Variants in PLEKHD1 observed in about 807,000 individuals in gnomAD.
PLEKHD1 encodes pleckstrin homology domain-containing family D member 1.
A neutral mutation model predicts 69.2 loss-of-function variants in PLEKHD1; 51 were observed. The ratio of observed to expected loss-of-function variants is 0.74; its 90% CI spans 0.59 to 0.93. The LOEUF is 0.93. Among genes scored for constraint, PLEKHD1 ranks in the 40% least tolerant of loss-of-function variants. The probability of loss-of-function intolerance (pLI) is 0.00; values close to 1 mark genes in which losing one functional copy is unlikely to be tolerated. For synonymous variants in PLEKHD1, 236 were observed against 244.7 expected, an observed-to-expected ratio of 0.96 and a Z score of 0.33; for missense variants, 584 against 641.0, an observed-to-expected ratio of 0.91 and a Z score of 0.96.
intron 1 of PLEKHD1, among the ~76,000 whole-genome samples, chr14:69,498,875 C>T (rs988337537): frequency 2.6e-5 from 4 of 151,712 alleles, no homozygotes; most frequent in South Asian, 4.2e-4. Context: ...CTCGATCTCC[C>T]GACCTCAAGT....
chr14:69,528,166 G>A (rs1459343583), intron 12 of PLEKHD1, 84 bp from the exon 13 acceptor site: 7 of 1,490,760 alleles, frequency 4.7e-6, no homozygotes, highest in South Asian at 1.3e-5. Context: ...AAAGGAGTGA[G>A]GGGGTGGCAT....
chr14:69,521,623 A>G (rs1883515938), intron 6 of PLEKHD1, among the ~76,000 whole-genome samples: 1 of 152,204 alleles, frequency 6.6e-6, no homozygotes, highest in South Asian at 2.1e-4. Flanking sequence ...GAACCCCAGG[A>G]AAAGAGGACT....
Position 69,500,147 on chromosome 14 carries a change from A to G in PLEKHD1, c.182A>G (p.Tyr61Cys), listed in dbSNP as rs1471692183. Reference protein sequence around the residue: ...FFIIKESFLLYYSESEKKSFE... With the variant: ...FFIIKESFLLCYSESEKKSFE... ...ATCATCAAAGAGAGCTTTCTGCTTT[A>G]CTACTCTGAGAGCGAAAAAAAGAGC... The change falls in exon 2 of 13, where the codon TAC becomes TGC. Residue 61 changes from tyrosine (Y) to cysteine (C), a missense_variant. Transcript: ENST00000322564. 4.5e-6 allele frequency: 7 copies of G among 1,550,582 alleles called. No individual in the cohort carries two copies. The highest frequency in any genetic ancestry group is 1.4e-5 in the African/African-American group (1 of 73,018).
intron 1 of PLEKHD1, among the ~76,000 whole-genome samples, chr14:69,494,036 C>T (rs1021589622): frequency 7.2e-5 from 11 of 152,152 alleles, no homozygotes; most frequent in African/African-American, 2.4e-4. Context: ...CAGTAGCAGC[C>T]TTGTGAGCAC....
At chr14:69,504,188 G>A (rs1253005441) in intron 6 of PLEKHD1, among the ~76,000 whole-genome samples, 3 of 152,210 alleles carry the variant, frequency 2.0e-5, no homozygotes, top group African/African-American at 4.8e-5. Flanking sequence ...GTGTTTGTTA[G>A]CATTATGATC....
chr14:69,479,930 C>T (rs1327627858), upstream of PLEKHD1, among the ~76,000 whole-genome samples: 1 of 152,116 alleles, frequency 6.6e-6, no homozygotes, highest in Non-Finnish European at 1.5e-5. Context: ...ATTTGTTTGG[C>T]AAATTGAAAC....
chr14:69,519,523 A>G (rs1220862411), intron 6 of PLEKHD1, among the ~76,000 whole-genome samples: 1 of 152,180 alleles, frequency 6.6e-6, no homozygotes, highest in African/African-American at 2.4e-5. Context: ...TCACATATAT[A>G]GGGGACTACT....
Position 69,528,461 on chromosome 14 carries a change from C to G in PLEKHD1, c.*42C>G, listed in dbSNP as rs779696474. On this transcript the variant is annotated 3_prime_UTR_variant, in exon 13 of 13. Coordinates refer to ENST00000322564, the MANE Select transcript of PLEKHD1 (RefSeq NM_001161498.2). ...GCTTCCCAAGTCTCCCCTGGATGGG[C>G]GGGGGAGGGGAAGGGGTGGCAGAGG... 3 of 1,536,034 alleles carry G rather than the reference C, an allele frequency of 2.0e-6. No individual in the cohort carries two copies. The highest frequency in any genetic ancestry group is 2.0e-5 in the Admixed American group (1 of 50,360).
rs1883675044 is a variant in PLEKHD1 at position 69,527,240 on chromosome 14, G to C, written c.1109G>C (p.Gly370Ala). The C allele has an allele frequency of 6.4e-7, 1 of 1,551,624 alleles. No homozygotes were observed. The highest frequency in any genetic ancestry group is 8.7e-7 in the Non-Finnish European group (1 of 1,146,998). Residue 370 changes from glycine to alanine, a missense_variant, in exon 11 of 13, where the codon GGG becomes GCG. Physicochemically the swap from Gly to Ala is moderately conservative, Grantham distance 60. Coordinates refer to ENST00000322564, the MANE Select transcript of PLEKHD1 (RefSeq NM_001161498.2). ...GAGAGGCGTCTCCGGGAGGCAGAAG[G>C]GGCCTTGCGAAGCCTGGAACAGGGG... Reference protein sequence around the residue: ...DLERRLREAEGALRSLEQGLN... With the variant: ...DLERRLREAEAALRSLEQGLN...
chr14:69,469,045 T>A, the PLEKHD1 span, among the ~76,000 whole-genome samples: 1 of 152,208 alleles, frequency 6.6e-6, no homozygotes, highest in Non-Finnish European at 1.5e-5. Context: ...TTTTCCGGAT[T>A]TCTCTTTGGC....
chr14:69,511,104 G>T (rs1346772810), intron 6 of PLEKHD1, among the ~76,000 whole-genome samples: 4 of 152,080 alleles, frequency 2.6e-5, no homozygotes, highest in Non-Finnish European at 5.9e-5. Flanking sequence ...CCACTTAGTT[G>T]TGATGTATTA....
intron 2 of PLEKHD1, 40 bp from the exon 3 acceptor site, chr14:69,500,537 T>C (rs1273087039): frequency 1.3e-6 from 2 of 1,491,398 alleles, no homozygotes; most frequent in African/African-American, 2.8e-5. Flanking sequence ...GTGACCCCAG[T>C]TGGGTGGGGT....
chr14:69,501,658 C>T, intron 4 of PLEKHD1, 76 bp from the exon 5 acceptor site: 5 of 1,147,954 alleles, frequency 4.4e-6, no homozygotes, highest in Non-Finnish European at 6.2e-6. Context: ...CTTCTCTTTC[C>T]CCTCTACCCT....
rs894534648 is a variant in PLEKHD1, at chr14:69,523,776, G to A, written c.651-453G>A. ...AAGGGAAAGACTTTCCAAGTAGGAT[G>A]AGGGGACACTAGTGTAAAAGCCTAA... On this transcript the variant is annotated intron_variant, in intron 7 of 12. Transcript: ENST00000322564. 3.9e-5 allele frequency among the ~76,000 whole-genome samples: 6 copies of A among 152,270 alleles called. No individual in the cohort carries two copies. In the Middle Eastern group the frequency reaches 0.01, roughly 259 times the overall value.
At chr14:69,504,267 A>G (rs1375086820) in intron 6 of PLEKHD1, among the ~76,000 whole-genome samples, 1 of 152,238 alleles carries the variant, frequency 6.6e-6, no homozygotes, top group African/African-American at 2.4e-5. Context: ...TGGCTTGACC[A>G]GAGCAGCCTG....
chr14:69,488,898 C>T (rs1029399723), intron 1 of PLEKHD1, among the ~76,000 whole-genome samples: 1 of 152,172 alleles, frequency 6.6e-6, no homozygotes, highest in African/African-American at 2.4e-5. Context: ...GATTCCTCTA[C>T]CCATCACCCT....
At chr14:69,501,601 A>G (rs1270812922) in intron 4 of PLEKHD1, 133 bp from the exon 5 acceptor site, 1 of 651,032 alleles carries the variant, frequency 1.5e-6, no homozygotes, top group Non-Finnish European at 2.6e-6. Flanking sequence ...AGTGAATGCA[A>G]GTTGAGATTC....
upstream of PLEKHD1, among the ~76,000 whole-genome samples, chr14:69,483,021 GA>G (rs1421774408): frequency 2.0e-5 from 3 of 152,144 alleles, no homozygotes; most frequent in South Asian, 4.1e-4. Flanking sequence ...AAAATATACA[GA>G]AAATGTCCAC....
chr14:69,523,311 T>A (rs776864765), intron 7 of PLEKHD1, among the ~76,000 whole-genome samples: 8 of 152,048 alleles, frequency 5.3e-5, no homozygotes, highest in Non-Finnish European at 1.2e-4. Context: ...CTGCTGTGGG[T>A]GGGGTAGTCA....
Sources: gnomAD v4.1 joint callset for allele counts (sites outside exome capture counted in the v4.1 genomes callset) on GRCh38, gnomAD v4.1.1 for gene constraint, MANE v1.5 for transcripts, NCBI Gene and HGNC (gene_info 2026-07-23, HGNC 2026-07-21) for gene names.